ATN1: variants seen among roughly 807,000 people sequenced by gnomAD.
ATN1 encodes the protein atrophin 1.
A neutral mutation model predicts 85.8 loss-of-function variants in ATN1; 19 were observed. The observed-to-expected ratio is 0.22, with a 90% CI of 0.15 to 0.32. ATN1 has a LOEUF of 0.32. Among genes scored for constraint, ATN1 ranks in the 10% least tolerant of loss-of-function variants. The pLI, the probability that ATN1 is intolerant of heterozygous loss-of-function variation, is 1.00. For missense variants in ATN1, 1,453 were observed against 1,564.5 expected (o/e 0.93, Z 1.20); for synonymous variants, 674 against 657.0 (o/e 1.03, Z -0.39).
intron 1 of ATN1, among the ~76,000 whole-genome samples, chr12:6,930,068 G>A (rs1411201172): frequency 6.6e-6 from 1 of 152,162 alleles, no homozygotes; most frequent in Non-Finnish European, 1.5e-5. Flanking sequence ...TATAGAACAG[G>A]AGCCAGGAGA....
intron 1 of ATN1, among the ~76,000 whole-genome samples, chr12:6,930,524 A>G (rs1945446433): frequency 1.3e-5 from 2 of 152,204 alleles, no homozygotes; most frequent in African/African-American, 4.8e-5. Context: ...GGCAGTGCGC[A>G]GTGGCTCACG....
In ATN1 at chr12:6,937,976, AGC is replaced by A. The variant is rs1565568188; in HGVS notation, c.2436_2437del (p.Glu813ArgfsTer23). 6.4e-7 allele frequency: 1 copy of A among 1,554,456 alleles called. No individual in the cohort carries two copies. ...GAGAAGGTGCGGCGCGAGGCCGAGCAGCGCGCGCGCGAAGAAAAGGAGCGCGA... is the reference window on the plus strand; with the variant it reads ...GAGAAGGTGCGGCGCGAGGCCGAGCAGCGCGCGCGAAGAAAAGGAGCGCGA... On this transcript the variant is annotated frameshift_variant, in exon 6 of 10. Transcript: ENST00000396684. LOFTEE classifies it high-confidence loss of function. This position sits in a 1 kb window ranked among gnomAD's most constrained non-coding sequence, Gnocchi z 6.0.
In ATN1 at chr12:6,937,520, C is replaced by G. The variant is rs1257507429; in HGVS notation, c.2253C>G (p.Pro751=). The G allele has an allele frequency of 5.2e-6, 8 of 1,540,666 alleles. No individual in the cohort carries two copies. Among genetic ancestry groups the G allele is most frequent in the Non-Finnish European group, 6.1e-6 (7 of 1,145,256 alleles). ...VPPARSPSPP[P]KVVDVPSHAS... is the part of the protein sequence containing the mutation. ...CAGCCCGCAGCCCCTCGCCCCCTCC[C>G]AAGGTGGTAGATGTACCCAGCCATG... is the stretch of plus-strand genomic sequence containing the variant. The change falls in exon 5 of 10, where the codon CCC becomes CCG. Residue 751 remains proline, a synonymous_variant. Coordinates refer to ENST00000396684, the MANE Select transcript of ATN1 (RefSeq NM_001940.4). The surrounding 1 kb of genome is among the most constrained non-coding windows in gnomAD (Gnocchi z 6.0).
rs1945530566 is a variant in ATN1 at position 6,936,214 on chromosome 12, C to G, written c.947C>G (p.Ser316Cys). ...ALRPLNNASA[S>C]PPGLGAQPLP... The stretch of plus-strand genomic sequence containing the variant: ...AGACCCCTCAACAATGCATCAGCCT[C>G]TCCCCCTGGCCTGGGGGCCCAACCA... Residue 316 changes from serine (S) to cysteine (C), a missense_variant, in exon 5 of 10, where the codon TCT becomes TGT. Ser to Cys is a moderately radical substitution (Grantham distance 112). This residue lies in a region of ATN1 where 990 missense variants were observed against 914.8 expected (regional missense o/e 1.08). Coordinates refer to ENST00000396684, the MANE Select transcript of ATN1 (RefSeq NM_001940.4). 6.3e-7 allele frequency: 1 copy of G among 1,598,074 alleles called. No homozygotes were observed. Among genetic ancestry groups the G allele is most frequent in the Non-Finnish European group, 8.5e-7 (1 of 1,171,294 alleles).
upstream of ATN1, among the ~76,000 whole-genome samples, chr12:6,925,112 G>A (rs74716447): frequency 0.045 from 5,951 of 133,448 alleles, 377 homozygotes; most frequent in African/African-American, 0.16. Flanking sequence ...GTGTGTGTGC[G>A]TGTGCGTGTG....
upstream of ATN1, among the ~76,000 whole-genome samples, chr12:6,925,117 C>CGTGTGTGTGTGTGT (rs376981297): frequency 0.011 from 1,633 of 143,750 alleles, 29 homozygotes; most frequent in African/African-American, 0.036. Context: ...TGTGCGTGTG[C>CGTGTGTGTGTGTGT]GTGTGTGTGT....
In ATN1 at chr12:6,936,366, C is replaced by T; in HGVS notation, c.1099C>T (p.Pro367Ser). 6.2e-7 allele frequency: 1 copy of T among 1,613,932 alleles called. No homozygotes were observed. The highest frequency in any genetic ancestry group is 2.2e-5 in the East Asian group (1 of 44,878). ...HSLPPASSSA[P>S]APPMRFPYSS... Reference sequence around the variant, plus strand: ...TCTGCCTCCTGCTTCCTCTTCTGCTCCAGCGCCCCCCATGAGGTTTCCTTA... The same window carrying T: ...TCTGCCTCCTGCTTCCTCTTCTGCTTCAGCGCCCCCCATGAGGTTTCCTTA... Residue 367 changes from proline to serine, a missense_variant, in exon 5 of 10, where the codon CCA (proline) becomes TCA (serine). By Grantham distance (74) the Pro-to-Ser change is moderately conservative. Transcript: ENST00000396684.
rs138553159 is a variant in ATN1, at chr12:6,936,849, C to T, written c.1582C>T (p.His528Tyr). The T allele has an allele frequency of 3.1e-6, 5 of 1,613,928 alleles. No homozygotes were observed. In the African/African-American group the frequency reaches 6.7e-5, roughly 22 times the overall value. Residue 528 changes from histidine to tyrosine, a missense_variant, in exon 5 of 10, where the codon CAC (histidine) becomes TAC (tyrosine). Coordinates refer to ENST00000396684, the MANE Select transcript of ATN1 (RefSeq NM_001940.4). ...GGAGGGCGGTAGCTCCCACCACGCA[C>T]ACCCTTACGCCATGTCTCCCTCCCT... is the stretch of plus-strand genomic sequence containing the variant. ...PLEGGSSHHA[H>Y]PYAMSPSLGS...
intron 1 of ATN1, among the ~76,000 whole-genome samples, chr12:6,932,556 T>C (rs1301542611): frequency 6.6e-6 from 1 of 152,212 alleles, no homozygotes; most frequent in East Asian, 1.9e-4. Context: ...TGGATAAAGA[T>C]AGATACCTGC....
chr12:6,925,117 CGTGTGT>C (rs376981297), upstream of ATN1, among the ~76,000 whole-genome samples: 68 of 143,816 alleles, frequency 4.7e-4, no homozygotes, highest in Non-Finnish European at 8.9e-4. Flanking sequence ...TGTGCGTGTG[CGTGTGT>C]GTGTGTGTGT....
At position 6,938,801 on chromosome 12, in the gene ATN1, C is replaced by T. The variant is rs781792238; in HGVS notation, c.2838C>T (p.Leu946=). The change falls in exon 7 of 10, where the codon CTC becomes CTT. Residue 946 remains leucine, a synonymous_variant. Coordinates refer to ENST00000396684, the MANE Select transcript of ATN1 (RefSeq NM_001940.4). ...GTGAACGAGACCTCCGTGACCGCCT[C>T]AAGCCTGGCTTTGAGGTGAAGCCTA... is the stretch of plus-strand genomic sequence containing the variant. ...EARERDLRDR[L]KPGFEVKPSE... The T allele has an allele frequency of 6.2e-7, 1 of 1,614,180 alleles. No homozygotes were observed. The highest frequency in any genetic ancestry group is 8.5e-7 in the Non-Finnish European group (1 of 1,180,028).
upstream of ATN1, among the ~76,000 whole-genome samples, chr12:6,925,619 A>G (rs1945392203): frequency 1.3e-5 from 2 of 152,160 alleles, no homozygotes. Flanking sequence ...GGGACTTCAG[A>G]GTGATGACTC....
chr12:6,933,760 CAGTTCTCTGACAAGCAGAAT>C, intron 1 of ATN1, 60 bp from the exon 2 acceptor site: 1 of 596,432 alleles, frequency 1.7e-6, no homozygotes, highest in South Asian at 2.0e-5. Flanking sequence ...GCCGCTTGCT[CAGTTCTCTGACAAGCAGAAT>C]AGTATTCCTT....
chr12:6,937,938 G>A lies in ATN1; in HGVS notation c.2388G>A (p.Arg796=), dbSNP rs782084080. ...AGGGCTCCAAGCTGGCCAAGAAGCG[G>A]GCCGACCTGGTGGAGAAGGTGCGGC... ...PLEGSKLAKK[R]ADLVEKVRRE... is the part of the protein sequence containing the mutation. The change falls in exon 6 of 10, where the codon CGG becomes CGA. Residue 796 remains arginine, a synonymous_variant. Transcript: ENST00000396684. The surrounding 1 kb of genome is among the most constrained non-coding windows in gnomAD (Gnocchi z 6.0). 9.4e-6 allele frequency: 15 copies of A among 1,587,912 alleles called. No individual in the cohort carries two copies. In the Admixed American group the frequency reaches 1.6e-4, roughly 17 times the overall value.
At position 6,941,426 on chromosome 12, in the gene ATN1, T is replaced by A; in HGVS notation, c.3411T>A (p.Ala1137=). The change falls in exon 9 of 10, where the codon GCT becomes GCA. Residue 1137 remains alanine (A), a synonymous_variant. Transcript: ENST00000396684. This position sits in a 1 kb window ranked among gnomAD's most constrained non-coding sequence, Gnocchi z 5.9. ...CCCTTTCTGCCCCGATGTCAGCAGC[T>A]CATCAGCTGCAGGCCATGCACGCAC... ...PASLSAPMSA[A]HQLQAMHAQS... is the part of the protein sequence containing the mutation. The A allele has an allele frequency of 6.2e-7, 1 of 1,610,240 alleles. No homozygotes were observed. The highest frequency in any genetic ancestry group is 8.5e-7 in the Non-Finnish European group (1 of 1,178,272).
rs914083647 is a variant in ATN1, at chr12:6,937,697, C to A, written c.2294+136C>A. 1.4e-6 allele frequency: 2 copies of A among 1,437,100 alleles called. No homozygotes were observed. The highest frequency in any genetic ancestry group is 1.4e-5 in the African/African-American group (1 of 69,470). 89.0% of individuals were successfully genotyped at this position (1,437,100 alleles called of 1,614,324 possible). A position where few individuals can be genotyped will look rare whatever the true frequency, so the allele number is the denominator to read the frequency against. On this transcript the variant is annotated intron_variant, in intron 5 of 9. Coordinates refer to ENST00000396684, the MANE Select transcript of ATN1 (RefSeq NM_001940.4). This position sits in a 1 kb window ranked among gnomAD's most constrained non-coding sequence, Gnocchi z 6.0. ...AGCACGCCCCTCTCCTCCGTCCAGG[C>A]CTAGTGGCCAGTGAGGCCCGCAGCA...
chr12:6,936,363 G>C lies in ATN1; in HGVS notation c.1096G>C (p.Ala366Pro). The stretch of plus-strand genomic sequence containing the variant: ...CTCTCTGCCTCCTGCTTCCTCTTCT[G>C]CTCCAGCGCCCCCCATGAGGTTTCC... ...PHSLPPASSS[A>P]PAPPMRFPYS... The change falls in exon 5 of 10, where the codon GCT becomes CCT. Residue 366 changes from alanine (A) to proline (P), a missense_variant. Physicochemically the swap from Ala to Pro is conservative, Grantham distance 27. Coordinates refer to ENST00000396684, the MANE Select transcript of ATN1 (RefSeq NM_001940.4). The C allele has an allele frequency of 6.2e-7, 1 of 1,613,756 alleles. No homozygotes were observed. The highest frequency in any genetic ancestry group is 8.5e-7 in the Non-Finnish European group (1 of 1,179,890).
chr12:6,936,869 C>G lies in ATN1; in HGVS notation c.1602C>G (p.Pro534=). The G allele has an allele frequency of 6.2e-7, 1 of 1,614,070 alleles. No homozygotes were observed. The highest frequency in any genetic ancestry group is 1.1e-5 in the South Asian group (1 of 91,086). Residue 534 remains proline (P), a synonymous_variant, in exon 5 of 10, where the codon CCC becomes CCG. Transcript: ENST00000396684. ...SHHAHPYAMS[P]SLGSLRPYPP... The stretch of plus-strand genomic sequence containing the variant: ...ACGCACACCCTTACGCCATGTCTCC[C>G]TCCCTGGGGTCTCTGAGGCCCTACC...
chr12:6,928,614 A>C (rs1945426492), intron 1 of ATN1, among the ~76,000 whole-genome samples: 1 of 151,818 alleles, frequency 6.6e-6, no homozygotes, highest in African/African-American at 2.4e-5. Context: ...TTTCGGGAGG[A>C]TCGGGAAGGT....
Sources: allele counts gnomAD v4.1 joint callset (sites outside exome capture counted in the v4.1 genomes callset), GRCh38; gene constraint gnomAD v4.1.1; regional missense constraint gnomAD v4.1.1; non-coding constraint Gnocchi (gnomAD v3.1); transcripts MANE v1.5; gene names NCBI Gene and HGNC (gene_info 2026-07-23, HGNC 2026-07-21).